Variants in TEAD1 observed in about 807,000 individuals in gnomAD.
The protein encoded by TEAD1 is transcriptional enhancer factor TEF-1.
In TEAD1, 9 loss-of-function variants were observed where a neutral mutation model predicts 54.9. The ratio of observed to expected loss-of-function variants is 0.16; its 90% CI spans 0.10 to 0.29. The LOEUF (loss-of-function observed/expected upper bound fraction) is 0.29. Among genes scored for constraint, TEAD1 ranks in the 10% least tolerant of loss-of-function variants. The pLI is 1.00. For synonymous variants in TEAD1, 200 were observed against 187.8 expected, an observed-to-expected ratio of 1.07 and a Z score of -0.53; for missense variants, 387 against 535.9, an observed-to-expected ratio of 0.72 and a Z score of 2.74.
intron 2 of TEAD1, among the ~76,000 whole-genome samples, chr11:12,757,550 C>G (rs1945007905): frequency 6.6e-6 from 1 of 152,184 alleles, no homozygotes; most frequent in Non-Finnish European, 1.5e-5. Context: ...CCACCCAACT[C>G]TTCGTTATTT....
intron 3 of TEAD1, among the ~76,000 whole-genome samples, chr11:12,850,391 G>A (rs1322064243): frequency 6.6e-6 from 1 of 152,176 alleles, no homozygotes; most frequent in Non-Finnish European, 1.5e-5. Flanking sequence ...AGCCAAGGTC[G>A]TGCCATTGCT....
chr11:12,736,973 A>G lies in TEAD1; in HGVS notation c.-54-27206A>G, dbSNP rs114331810. On this transcript the variant is annotated intron_variant, in intron 2 of 12. Coordinates refer to ENST00000527636, the MANE Select transcript of TEAD1 (RefSeq NM_021961.6). ...GTATCTATATGTATGTATTAAATATAGTCAATAATACTTTATGGGACTTGA... is the reference window on the plus strand; with the variant it reads ...GTATCTATATGTATGTATTAAATATGGTCAATAATACTTTATGGGACTTGA... Among the ~76,000 whole-genome samples the G allele has an allele frequency of 7.8e-3, 1,187 of 152,338 alleles. 21 individuals are homozygous for G. The highest frequency in any genetic ancestry group is 0.027 in the African/African-American group (1,135 of 41,560).
chr11:12,712,416 G>A (rs958245697), intron 2 of TEAD1, among the ~76,000 whole-genome samples: 1 of 152,064 alleles, frequency 6.6e-6, no homozygotes, highest in Non-Finnish European at 1.5e-5. Flanking sequence ...TGCTGCTGTC[G>A]GTGCATGATG....
At chr11:12,746,985 T>G (rs1303476439) in intron 2 of TEAD1, among the ~76,000 whole-genome samples, 5 of 151,972 alleles carry the variant, frequency 3.3e-5, no homozygotes, top group African/African-American at 1.2e-4. Flanking sequence ...AAAGGTGGAG[T>G]TGGTTGTTGA....
At position 12,799,780 on chromosome 11, in the gene TEAD1, A is replaced by G. The variant is rs75535613; in HGVS notation, c.202+35346A>G. On this transcript the variant is annotated intron_variant, in intron 3 of 12. Coordinates refer to ENST00000527636, the MANE Select transcript of TEAD1 (RefSeq NM_021961.6). Reference sequence around the variant, plus strand: ...CTGCTTGTAAATTGGGAAACCCTATAGTCTGTTTTTCTTGAAGTTCTTTGT... The same window carrying G: ...CTGCTTGTAAATTGGGAAACCCTATGGTCTGTTTTTCTTGAAGTTCTTTGT... Among the ~76,000 whole-genome samples the G allele has an allele frequency of 3.1e-3, 467 of 152,276 alleles. 15 individuals are homozygous for G. In the East Asian group the frequency reaches 0.074, roughly 24 times the overall value.
intron 2 of TEAD1, among the ~76,000 whole-genome samples, chr11:12,687,860 C>T (rs756033088): frequency 2.0e-5 from 3 of 152,072 alleles, no homozygotes; most frequent in Non-Finnish European, 2.9e-5. Context: ...TTATACTCAC[C>T]GTTGAGAGAG....
intron 12 of TEAD1, among the ~76,000 whole-genome samples, chr11:12,935,295 T>A (rs916286468): frequency 7.9e-5 from 12 of 152,116 alleles, no homozygotes; most frequent in South Asian, 2.1e-4. Flanking sequence ...ACCTCTCAGC[T>A]CCTTCCCTGT....
intron 3 of TEAD1, among the ~76,000 whole-genome samples, chr11:12,792,372 A>T (rs1945822230): frequency 6.6e-6 from 1 of 151,640 alleles, no homozygotes; most frequent in Admixed American, 6.6e-5. Flanking sequence ...AAAAAAAAAA[A>T]AAGTCCTATA....
chr11:12,852,971 C>T (rs1440528561), intron 3 of TEAD1, among the ~76,000 whole-genome samples: 1 of 152,212 alleles, frequency 6.6e-6, no homozygotes, highest in African/African-American at 2.4e-5. Flanking sequence ...CCCTCATATA[C>T]TAAGTGACTT....
intron 11 of TEAD1, among the ~76,000 whole-genome samples, chr11:12,928,321 C>G (rs1948941057): frequency 6.8e-6 from 1 of 146,302 alleles, no homozygotes; most frequent in Non-Finnish European, 1.5e-5. Flanking sequence ...CACTCTGTCA[C>G]CCACACTGGA....
intron 5 of TEAD1, among the ~76,000 whole-genome samples, chr11:12,875,136 A>G (rs1947829221): frequency 6.6e-6 from 1 of 152,226 alleles, no homozygotes; most frequent in Non-Finnish European, 1.5e-5. Context: ...CATCTCAGAA[A>G]TGTTGGTGTG....
intron 3 of TEAD1, among the ~76,000 whole-genome samples, chr11:12,800,888 C>G (rs1252550144): frequency 6.6e-6 from 1 of 152,194 alleles, no homozygotes; most frequent in Non-Finnish European, 1.5e-5. Context: ...CTAAGTACCC[C>G]TTGTGAATGG....
At chr11:12,832,425 A>G (rs1465850490) in intron 3 of TEAD1, among the ~76,000 whole-genome samples, 1 of 152,212 alleles carries the variant, frequency 6.6e-6, no homozygotes, top group Non-Finnish European at 1.5e-5. Context: ...AAAAGGCATA[A>G]TGTTCCCAAG....
intron 2 of TEAD1, among the ~76,000 whole-genome samples, chr11:12,684,829 AAAT>A (rs1218824858): frequency 6.6e-6 from 1 of 152,190 alleles, no homozygotes; most frequent in Non-Finnish European, 1.5e-5. Flanking sequence ...AATGTCACTC[AAAT>A]AATAATTCAC....
intron 3 of TEAD1, among the ~76,000 whole-genome samples, chr11:12,784,856 C>G (rs186258932): frequency 6.6e-6 from 1 of 152,284 alleles, no homozygotes; most frequent in Non-Finnish European, 1.5e-5. Context: ...GTTTCAGTTG[C>G]AAGGCTTTAG....
intron 3 of TEAD1, among the ~76,000 whole-genome samples, chr11:12,858,660 T>C (rs1227818989): frequency 6.6e-6 from 1 of 152,220 alleles, no homozygotes; most frequent in Non-Finnish European, 1.5e-5. Flanking sequence ...ACATGGGTTT[T>C]TGAAAAGTGA....
intron 11 of TEAD1, 74 bp downstream of exon 11, chr11:12,925,126 C>A (rs1302604783): frequency 1.3e-6 from 2 of 1,554,608 alleles, no homozygotes; most frequent in Non-Finnish European, 1.8e-6. Context: ...TTCCTTGGGG[C>A]AGAGAGTTGT....
chr11:12,829,656 G>A (rs1002012543), intron 3 of TEAD1, among the ~76,000 whole-genome samples: 1 of 152,192 alleles, frequency 6.6e-6, no homozygotes. Flanking sequence ...CATGAAAGGT[G>A]GAGAAGCAGG....
intron 10 of TEAD1, among the ~76,000 whole-genome samples, chr11:12,923,821 ACCCAT>A (rs1361559161): frequency 1.3e-5 from 2 of 151,964 alleles, no homozygotes; most frequent in Admixed American, 1.3e-4. Context: ...CAACACCTAA[ACCCAT>A]CCCAAAAGGC....
Sources: gnomAD v4.1 joint callset for allele counts (sites outside exome capture counted in the v4.1 genomes callset) on GRCh38, gnomAD v4.1.1 for gene constraint, MANE v1.5 for transcripts, NCBI Gene and HGNC (gene_info 2026-07-23, HGNC 2026-07-21) for gene names.